Variants in TNFRSF1B observed in about 807,000 individuals in gnomAD.
The protein encoded by TNFRSF1B is tumor necrosis factor receptor superfamily member 1B.
In TNFRSF1B, 19 loss-of-function variants were observed where a neutral mutation model predicts 44.6. The ratio of observed to expected loss-of-function variants is 0.43; its 90% CI spans 0.30 to 0.62. The LOEUF (loss-of-function observed/expected upper bound fraction) is 0.62. TNFRSF1B is among the 20% of genes least tolerant of loss of function. The pLI, the probability that TNFRSF1B is intolerant of heterozygous loss-of-function variation, is 0.16. For synonymous variants in TNFRSF1B, 252 were observed against 261.1 expected, an observed-to-expected ratio of 0.97 and a Z score of 0.34; for missense variants, 541 against 619.9, an observed-to-expected ratio of 0.87 and a Z score of 1.35.
rs750384859 is a variant in TNFRSF1B at position 12,206,825 on chromosome 1, C to T, written c.1191C>T (p.Cys397=). The T allele has an allele frequency of 3.7e-6, 6 of 1,614,098 alleles. No homozygotes were observed. The highest frequency in any genetic ancestry group is 5.1e-6 in the Non-Finnish European group (6 of 1,180,026). The change falls in exon 10 of 10, where the codon TGC becomes TGT. Residue 397 remains cysteine, a synonymous_variant. Transcript: ENST00000376259. ...VCSSSDHSSQ[C]SSQASSTMGD... ...GCAGCTCTGACCACAGCTCACAGTG[C>T]TCCTCCCAAGCCAGCTCCACAATGG...
At chr1:12,183,630 T>C (rs558168405) in intron 1 of TNFRSF1B, among the ~76,000 whole-genome samples, 3 of 151,694 alleles carry the variant, frequency 2.0e-5, no homozygotes, top group Admixed American at 2.0e-4. Context: ...TCTGTCTGTT[T>C]TATCTATCTA....
rs1226139228 is a variant in TNFRSF1B, at chr1:12,192,850, C to T, written c.552-13C>T. On this transcript the variant is annotated splice_polypyrimidine_tract_variant and intron_variant, in intron 5 of 9. Coordinates refer to ENST00000376259, the MANE Select transcript of TNFRSF1B (RefSeq NM_001066.3). Reference sequence around the variant, plus strand: ...CCCCTGCTGCCTCCTGACCAAGCCTCCTCCTCCTCCAGCTGTAACGTGGTG... The same window carrying T: ...CCCCTGCTGCCTCCTGACCAAGCCTTCTCCTCCTCCAGCTGTAACGTGGTG... 1 of 1,609,192 alleles carries T rather than the reference C, an allele frequency of 6.2e-7. No homozygotes were observed.
chr1:12,174,160 T>TCTTCTTCTCCTTCTC (rs1553162433), intron 1 of TNFRSF1B, among the ~76,000 whole-genome samples: 8 of 67,914 alleles, frequency 1.2e-4, no homozygotes, highest in East Asian at 8.1e-4. Context: ...TTCTTCTTCT[T>TCTTCTTCTCCTTCTC]CTTCTCCTTC....
chr1:12,198,926 G>T (rs978721280), intron 8 of TNFRSF1B, among the ~76,000 whole-genome samples: 2 of 151,988 alleles, frequency 1.3e-5, no homozygotes, highest in African/African-American at 4.8e-5. Flanking sequence ...TCCTGACCTC[G>T]TGATTCGGTG....
At chr1:12,185,157 G>A (rs1327727080) in intron 1 of TNFRSF1B, among the ~76,000 whole-genome samples, 2 of 152,318 alleles carry the variant, frequency 1.3e-5, no homozygotes, top group Admixed American at 6.5e-5. Flanking sequence ...ATTTCTCTGG[G>A]TTAGGGGCTC....
intron 9 of TNFRSF1B, among the ~76,000 whole-genome samples, chr1:12,203,092 G>A (rs1639427289): frequency 6.6e-6 from 1 of 152,242 alleles, no homozygotes; most frequent in Non-Finnish European, 1.5e-5. Context: ...CTGCTGGCCT[G>A]TGCCTCTCTC....
chr1:12,204,974 A>G (rs1475449419), intron 9 of TNFRSF1B, among the ~76,000 whole-genome samples: 1 of 151,958 alleles, frequency 6.6e-6, no homozygotes, highest in East Asian at 1.9e-4. Flanking sequence ...CAGGAGTTCG[A>G]GACTAGCCTG....
intron 8 of TNFRSF1B, among the ~76,000 whole-genome samples, chr1:12,196,375 A>C (rs1254565512): frequency 6.6e-6 from 1 of 152,234 alleles, no homozygotes; most frequent in Non-Finnish European, 1.5e-5. Flanking sequence ...GCTATTCAGC[A>C]GCATCTTTGG....
In TNFRSF1B at chr1:12,172,000, T is replaced by C. The variant is rs963714574; in HGVS notation, c.78+4831T>C. Among the ~76,000 whole-genome samples the C allele has an allele frequency of 1.1e-4, 17 of 152,290 alleles. No individual in the cohort carries two copies. The South Asian group carries it at 3.3e-3, about 30-fold the overall frequency. ...CATCTCTTGGGGTATTTTTCTGGGC[T>C]CCTCTTCCCATTGAGTGGTGTCTGC... On this transcript the variant is annotated intron_variant, in intron 1 of 9. Transcript: ENST00000376259. The surrounding 1 kb of genome is among the most constrained non-coding windows in gnomAD (Gnocchi z 4.5).
chr1:12,201,921 G>C (rs1412770886), intron 8 of TNFRSF1B, 46 bp from the exon 9 acceptor site: 1 of 1,534,226 alleles, frequency 6.5e-7, no homozygotes, highest in Non-Finnish European at 8.8e-7. Flanking sequence ...AGAAAGAGCT[G>C]GCTGGTGGGC....
At chr1:12,183,829 AT>A (rs1557629501) in intron 1 of TNFRSF1B, among the ~76,000 whole-genome samples, 37 of 147,994 alleles carry the variant, frequency 2.5e-4, no homozygotes, top group East Asian at 5.9e-4. Flanking sequence ...CTATCTACCT[AT>A]CTATCTATCT....
rs1032123537 is a variant in TNFRSF1B, at chr1:12,180,464, A to C, written c.79-8332A>C. On this transcript the variant is annotated intron_variant, in intron 1 of 9. Coordinates refer to ENST00000376259, the MANE Select transcript of TNFRSF1B (RefSeq NM_001066.3). This position sits in a 1 kb window ranked among gnomAD's most constrained non-coding sequence, Gnocchi z 4.3. ...GAGGGCCCCCACCTCGGGTACTTGC[A>C]GGGCCTTGGCCTGGGAACAGGACAA... 6.6e-6 allele frequency among the ~76,000 whole-genome samples: 1 copy of C among 152,190 alleles called. No homozygotes were observed. The highest frequency in any genetic ancestry group is 2.4e-5 in the African/African-American group (1 of 41,438).
rs1375305439 is a variant in TNFRSF1B, at chr1:12,178,719, A to G, written c.79-10077A>G. On this transcript the variant is annotated intron_variant, in intron 1 of 9. Coordinates refer to ENST00000376259, the MANE Select transcript of TNFRSF1B (RefSeq NM_001066.3). The surrounding 1 kb of genome is among the most constrained non-coding windows in gnomAD (Gnocchi z 4.3). ...AGGACGTTTGGGCAGAGGCAGCAGC[A>G]GTACGGGCATGGAGAAGGGGGCGGA... Among the ~76,000 whole-genome samples the G allele has an allele frequency of 6.6e-6, 1 of 152,178 alleles. No homozygotes were observed. The highest frequency in any genetic ancestry group is 1.5e-5 in the Non-Finnish European group (1 of 68,028).
At chr1:12,183,034 C>A (rs1032873141) in intron 1 of TNFRSF1B, among the ~76,000 whole-genome samples, 1 of 152,256 alleles carries the variant, frequency 6.6e-6, no homozygotes, top group African/African-American at 2.4e-5. Context: ...TGCTTTGTCT[C>A]CCTGAGCACC....
intron 3 of TNFRSF1B, 173 bp from the exon 4 acceptor site, chr1:12,191,601 G>A: frequency 1.4e-6 from 1 of 734,886 alleles, no homozygotes; most frequent in Non-Finnish European, 2.3e-6. Flanking sequence ...GCGGAGAGTA[G>A]CAGGACTGCC....
rs1298441681 is a variant in TNFRSF1B at position 12,180,575 on chromosome 1, C to G, written c.79-8221C>G. Among the ~76,000 whole-genome samples the G allele has an allele frequency of 1.3e-5, 2 of 152,234 alleles. No individual in the cohort carries two copies. The highest frequency in any genetic ancestry group is 4.8e-5 in the African/African-American group (2 of 41,470). ...TCAGACCTGCCCTGGCCACCTGGCC[C>G]TGCCCCTTACCAGCTAAGGGCTCCA... is the stretch of plus-strand genomic sequence containing the variant. On this transcript the variant is annotated intron_variant, in intron 1 of 9. Transcript: ENST00000376259. The surrounding 1 kb of genome is among the most constrained non-coding windows in gnomAD (Gnocchi z 4.3).
chr1:12,199,511 A>T lies in TNFRSF1B; in HGVS notation c.901-2456A>T, dbSNP rs1389477518. On this transcript the variant is annotated intron_variant, in intron 8 of 9. Coordinates refer to ENST00000376259, the MANE Select transcript of TNFRSF1B (RefSeq NM_001066.3). The surrounding 1 kb of genome is among the most constrained non-coding windows in gnomAD (Gnocchi z 4.0). Reference sequence around the variant, plus strand: ...GCCTCTTGGGGATGGCTTGCACGAGATCCCTCCAGTCCTGAGTGAGAGGCT... The same window carrying T: ...GCCTCTTGGGGATGGCTTGCACGAGTTCCCTCCAGTCCTGAGTGAGAGGCT... Among the ~76,000 whole-genome samples, 1 of 152,136 alleles carries T rather than the reference A, an allele frequency of 6.6e-6. No individual in the cohort carries two copies. The highest frequency in any genetic ancestry group is 1.5e-5 in the Non-Finnish European group (1 of 68,022).
At chr1:12,175,105 G>A (rs1356517221) in intron 1 of TNFRSF1B, among the ~76,000 whole-genome samples, 2 of 152,188 alleles carry the variant, frequency 1.3e-5, no homozygotes, top group African/African-American at 2.4e-5. Context: ...GCGGGCTGTG[G>A]ACAGGGAGGG....
At chr1:12,204,264 C>G (rs574758946) in intron 9 of TNFRSF1B, among the ~76,000 whole-genome samples, 4 of 152,314 alleles carry the variant, frequency 2.6e-5, no homozygotes, top group South Asian at 4.1e-4. Flanking sequence ...TTCATGGTCC[C>G]CCATCCACCC....
Sources: gnomAD v4.1 joint callset for allele counts (sites outside exome capture counted in the v4.1 genomes callset) on GRCh38, gnomAD v4.1.1 for gene constraint, Gnocchi (gnomAD v3.1) non-coding constraint, MANE v1.5 for transcripts, NCBI Gene and HGNC (gene_info 2026-07-23, HGNC 2026-07-21) for gene names.